The following MCC variants were observed in gnomAD, a reference collection of about 807,000 sequenced individuals.
The protein encoded by MCC is colorectal mutant cancer protein.
Under a neutral mutation model 116.2 loss-of-function variants are expected in MCC, and 90 were observed. The ratio of observed to expected loss-of-function variants is 0.77; its 90% CI spans 0.65 to 0.92. MCC has a LOEUF of 0.92. MCC is among the 40% of genes least tolerant of loss of function. The probability of loss-of-function intolerance (pLI) is 0.00; values close to 1 mark genes in which losing one functional copy is unlikely to be tolerated. For synonymous variants in MCC, 578 were observed against 510.5 expected (o/e 1.13, Z -1.78); for missense variants, 1,516 against 1,312.2 (o/e 1.16, Z -2.40).
intron 3 of MCC, among the ~76,000 whole-genome samples, chr5:113,237,074 C>T (rs1561477140): frequency 6.6e-6 from 1 of 152,176 alleles, no homozygotes; most frequent in East Asian, 1.9e-4. Context: ...TAAATACTTG[C>T]TAATTGACTG....
chr5:113,134,410 T>A (rs1209549025), intron 5 of MCC, among the ~76,000 whole-genome samples: 1 of 152,192 alleles, frequency 6.6e-6, no homozygotes, highest in Non-Finnish European at 1.5e-5. Context: ...GGATTCTCTA[T>A]TATGTTTCAT....
intron 3 of MCC, among the ~76,000 whole-genome samples, chr5:113,266,647 C>T (rs1765427790): frequency 6.6e-6 from 1 of 152,190 alleles, no homozygotes; most frequent in South Asian, 2.1e-4. Context: ...CTCAGAGTAA[C>T]TGGGATTATA....
At chr5:113,098,306 G>A (rs2150252506) in intron 8 of MCC, among the ~76,000 whole-genome samples, 1 of 152,314 alleles carries the variant, frequency 6.6e-6, no homozygotes, top group East Asian at 1.9e-4. Context: ...GTGTTTACCT[G>A]TCCCCACCAC....
chr5:113,458,080 G>C (rs1217017350), intron 1 of MCC, among the ~76,000 whole-genome samples: 1 of 152,156 alleles, frequency 6.6e-6, no homozygotes, highest in Non-Finnish European at 1.5e-5. Context: ...CCAATCAGCG[G>C]GATGTGGGTG....
intron 3 of MCC, among the ~76,000 whole-genome samples, chr5:113,315,039 T>TC (rs1315764419): frequency 2.0e-5 from 3 of 152,240 alleles, no homozygotes; most frequent in Non-Finnish European, 4.4e-5. Context: ...TGCCAAGAGC[T>TC]TTGCTCTCCA....
chr5:113,452,233 G>C (rs1771421055), intron 1 of MCC, among the ~76,000 whole-genome samples: 1 of 152,196 alleles, frequency 6.6e-6, no homozygotes, highest in African/African-American at 2.4e-5. Context: ...TCCAGGGGGA[G>C]GAAATAGATC....
chr5:113,355,971 A>AG (rs1255095381), intron 2 of MCC, among the ~76,000 whole-genome samples: 4 of 152,280 alleles, frequency 2.6e-5, no homozygotes, highest in East Asian at 3.9e-4. Context: ...CCCTGTGCCC[A>AG]GAGGTGGTCT....
intron 8 of MCC, among the ~76,000 whole-genome samples, chr5:113,088,257 GA>G (rs1174512878): frequency 2.0e-5 from 3 of 152,086 alleles, no homozygotes. Flanking sequence ...TTTGATTTGA[GA>G]GTGAGAATCT....
intron 1 of MCC, among the ~76,000 whole-genome samples, chr5:113,424,674 T>C (rs566108492): frequency 5.3e-5 from 8 of 152,214 alleles, no homozygotes; most frequent in Admixed American, 3.3e-4. Context: ...GATTGTGCCA[T>C]TGTACTCCAG....
chr5:113,210,572 G>A (rs1037369090), intron 3 of MCC, among the ~76,000 whole-genome samples: 9 of 152,150 alleles, frequency 5.9e-5, no homozygotes, highest in East Asian at 1.9e-4. Context: ...AATCTAGGTC[G>A]CATTTGCAGA....
rs372077130 is a variant in MCC at position 113,333,836 on chromosome 5, T to TACATATGTACATATGTAC, written c.627+6682_627+6683insGTACATATGTACATATGT. On this transcript the variant is annotated intron_variant, in intron 3 of 18. Coordinates refer to ENST00000408903, the MANE Select transcript of MCC (RefSeq NM_001085377.2). ...ATATATGTACATATATGTATATATG[T>TACATATGTACATATGTAC]ATATATGTATATATGTACATATATG... is the stretch of plus-strand genomic sequence containing the variant. Among the ~76,000 whole-genome samples the TACATATGTACATATGTAC allele has an allele frequency of 9.6e-4, 57 of 59,296 alleles. 7 individuals carry two copies. Among genetic ancestry groups the TACATATGTACATATGTAC allele is most frequent in the African/African-American group, 4.7e-3 (45 of 9,556 alleles). The allele number at this position is 59,296 out of a possible 152,430, so 38.9% of individuals were successfully genotyped here. A position where few individuals can be genotyped will look rare whatever the true frequency, so the allele number is the denominator to read the frequency against.
intron 3 of MCC, among the ~76,000 whole-genome samples, chr5:113,276,589 T>C (rs1765832529): frequency 6.6e-6 from 1 of 152,184 alleles, no homozygotes; most frequent in African/African-American, 2.4e-5. Flanking sequence ...TAACTGTATA[T>C]TATGATATAT....
chr5:113,041,635 G>A (rs753794239), intron 17 of MCC, among the ~76,000 whole-genome samples: 11 of 152,112 alleles, frequency 7.2e-5, no homozygotes, highest in Non-Finnish European at 1.6e-4. Flanking sequence ...TGACCCAGCT[G>A]ACAGCACTTT....
At chr5:113,242,477 C>T (rs1764408446) in intron 3 of MCC, among the ~76,000 whole-genome samples, 1 of 151,954 alleles carries the variant, frequency 6.6e-6, no homozygotes, top group South Asian at 2.1e-4. Context: ...TTAAGTCTTA[C>T]ATTCACATTT....
chr5:113,109,290 C>A (rs1756938990), intron 6 of MCC, among the ~76,000 whole-genome samples: 1 of 152,114 alleles, frequency 6.6e-6, no homozygotes, highest in African/African-American at 2.4e-5. Flanking sequence ...GATGAAGGAA[C>A]AAAATGTGGT....
chr5:113,450,167 G>A (rs981094750), intron 1 of MCC, among the ~76,000 whole-genome samples: 2 of 152,200 alleles, frequency 1.3e-5, no homozygotes, highest in Non-Finnish European at 2.9e-5. Flanking sequence ...CTCTCCTGGA[G>A]TTAGGGTGGA....
At chr5:113,154,793 G>A (rs7714586) in intron 3 of MCC, among the ~76,000 whole-genome samples, 1,530 of 152,182 alleles carry the variant, frequency 0.01, 25 homozygotes, top group African/African-American at 0.035. Flanking sequence ...ATATTTATGG[G>A]GTACATGTGA....
chr5:113,074,766 T>C (rs951686022), intron 11 of MCC, among the ~76,000 whole-genome samples: 1 of 152,174 alleles, frequency 6.6e-6, no homozygotes, highest in Non-Finnish European at 1.5e-5. Context: ...GCTGATTTGA[T>C]CAAGTGGAAG....
chr5:113,157,107 G>A (rs2150294774), intron 3 of MCC, among the ~76,000 whole-genome samples: 1 of 152,292 alleles, frequency 6.6e-6, no homozygotes, highest in African/African-American at 2.4e-5. Flanking sequence ...GCAGTCCAAT[G>A]ACTCTGATGA....
Sources: gnomAD v4.1 joint callset for allele counts (sites outside exome capture counted in the v4.1 genomes callset) on GRCh38, gnomAD v4.1.1 for gene constraint, MANE v1.5 for transcripts, NCBI Gene and HGNC (gene_info 2026-07-23, HGNC 2026-07-21) for gene names.